CHRNA7: variants seen among roughly 807,000 people sequenced by gnomAD.
CHRNA7 encodes cholinergic receptor nicotinic alpha 7 subunit, also known as neuronal acetylcholine receptor subunit alpha-7.
Under a neutral mutation model 48.0 loss-of-function variants are expected in CHRNA7, and 17 were observed. The observed-to-expected ratio is 0.35, with a 90% CI of 0.24 to 0.53. CHRNA7 has a LOEUF of 0.53. Among genes scored for constraint, CHRNA7 ranks in the 20% least tolerant of loss-of-function variants. CHRNA7 has a pLI of 0.92. For synonymous variants in CHRNA7, 75 were observed against 242.3 expected (o/e 0.31, Z 6.41); for missense variants, 155 against 577.7 (o/e 0.27, Z 7.50).
intron 2 of CHRNA7, among the ~76,000 whole-genome samples, chr15:32,081,578 A>G (rs1282911713): frequency 6.6e-6 from 1 of 152,100 alleles, no homozygotes; most frequent in East Asian, 1.9e-4. Context: ...GTATTATATT[A>G]TTTATGAATA....
intron 4 of CHRNA7, among the ~76,000 whole-genome samples, chr15:32,142,747 G>A (rs141085955): frequency 3.3e-5 from 5 of 152,106 alleles, no homozygotes; most frequent in African/African-American, 1.2e-4. Context: ...TTGTATTTCT[G>A]TGAGATCGGT....
Position 32,080,333 on chromosome 15 carries a change from G to A in CHRNA7, c.196-20970G>A, listed in dbSNP as rs546290427. On this transcript the variant is annotated intron_variant, in intron 2 of 9. Coordinates refer to ENST00000306901, the MANE Select transcript of CHRNA7 (RefSeq NM_000746.6). ...ACTAAAGAGCTTCTGCACAGCAAAA[G>A]AAACTGTCATCACAGTGAACAGACA... Among the ~76,000 whole-genome samples the A allele has an allele frequency of 2.0e-5, 3 of 152,236 alleles. 1 individual carries two copies. In the South Asian group the frequency reaches 6.2e-4, roughly 32 times the overall value.
At chr15:32,123,878 C>A (rs2051017123) in intron 4 of CHRNA7, among the ~76,000 whole-genome samples, 1 of 144,792 alleles carries the variant, frequency 6.9e-6, no homozygotes, top group Non-Finnish European at 1.5e-5. Context: ...TGTCTTTTGT[C>A]AGTTTAATTC....
At chr15:32,120,049 AGT>A (rs1242374859) in intron 4 of CHRNA7, among the ~76,000 whole-genome samples, 8 of 152,208 alleles carry the variant, frequency 5.3e-5, no homozygotes, top group African/African-American at 1.9e-4. Context: ...GCACTCGCCC[AGT>A]GCCAGCAGAT....
chr15:32,101,282 G>GAT (rs747878364), intron 2 of CHRNA7, 21 bp from the exon 3 acceptor site: 4 of 919,852 alleles, frequency 4.3e-6, no homozygotes, highest in Non-Finnish European at 1.6e-6. Context: ...TTATGCTGCT[G>GAT]CTTTTTTTTT....
chr15:32,082,773 A>G (rs1168206778), intron 2 of CHRNA7, among the ~76,000 whole-genome samples: 1 of 152,214 alleles, frequency 6.6e-6, no homozygotes, highest in East Asian at 1.9e-4. Flanking sequence ...TAACATTATA[A>G]TGAACATCTT....
intron 4 of CHRNA7, among the ~76,000 whole-genome samples, chr15:32,129,019 G>T (rs1435600662): frequency 1.3e-5 from 2 of 151,796 alleles, no homozygotes; most frequent in Non-Finnish European, 3.0e-5. Flanking sequence ...ATAATCAGGT[G>T]ATTTTTCTTC....
At chr15:32,074,637 A>ATATTATTATTATTATTATTAT (rs113812797) in intron 2 of CHRNA7, among the ~76,000 whole-genome samples, 39 of 141,770 alleles carry the variant, frequency 2.8e-4, no homozygotes, top group East Asian at 1.3e-3. Flanking sequence ...CACATTATTA[A>ATATTATTATTATTATTATTAT]TATTATTATT....
chr15:32,043,896 T>C (rs555217730), intron 2 of CHRNA7, among the ~76,000 whole-genome samples: 24 of 152,300 alleles, frequency 1.6e-4, no homozygotes, highest in African/African-American at 5.8e-4. Flanking sequence ...TCAAAACTTA[T>C]TTATATTGCC....
intron 2 of CHRNA7, among the ~76,000 whole-genome samples, chr15:32,087,791 G>T (rs1233306584): frequency 6.6e-6 from 1 of 152,190 alleles, no homozygotes; most frequent in Non-Finnish European, 1.5e-5. Flanking sequence ...GTGCAATGCT[G>T]ATACACAGTT....
At chr15:32,035,092 A>G (rs372444256) in intron 2 of CHRNA7, among the ~76,000 whole-genome samples, 86 of 152,370 alleles carry the variant, frequency 5.6e-4, no homozygotes, top group African/African-American at 1.9e-3. Context: ...TAAATTTGCT[A>G]AGTGAAAGTG....
Position 32,067,561 on chromosome 15 carries a change from TATAAAGAG to T in CHRNA7, c.196-33734_196-33727del, listed in dbSNP as rs2049985994. 2.0e-5 allele frequency among the ~76,000 whole-genome samples: 3 copies of T among 150,408 alleles called. No homozygotes were observed. In the South Asian group the frequency reaches 6.2e-4, roughly 31 times the overall value. On this transcript the variant is annotated intron_variant, in intron 2 of 9. Transcript: ENST00000306901. Reference sequence around the variant, plus strand: ...AAATGAAAGGAGGGTAATTGGGATCTATAAAGAGATAAAGAATATCAGTAAGTAACTAC... The same window carrying T: ...AAATGAAAGGAGGGTAATTGGGATCTATAAAGAATATCAGTAAGTAACTAC...
intron 1 of CHRNA7, 87 bp downstream of exon 1, chr15:32,030,736 G>A: frequency 6.6e-7 from 1 of 1,526,010 alleles, no homozygotes; most frequent in Non-Finnish European, 8.8e-7. Flanking sequence ...GCCTGGGCCA[G>A]GTTTGGGATC....
At chr15:32,045,605 C>T (rs999292076) in intron 2 of CHRNA7, among the ~76,000 whole-genome samples, 3 of 151,582 alleles carry the variant, frequency 2.0e-5, no homozygotes, top group Admixed American at 6.6e-5. Flanking sequence ...GGCACAGTCT[C>T]GGCTCACTGC....
intron 4 of CHRNA7, among the ~76,000 whole-genome samples, chr15:32,138,102 A>G (rs1467132209): frequency 6.6e-6 from 1 of 152,248 alleles, no homozygotes; most frequent in Non-Finnish European, 1.5e-5. Flanking sequence ...AATGTATTAA[A>G]TAAGAAAACT....
intron 4 of CHRNA7, among the ~76,000 whole-genome samples, chr15:32,126,863 G>T (rs2051075387): frequency 6.6e-6 from 1 of 152,148 alleles, no homozygotes; most frequent in Non-Finnish European, 1.5e-5. Context: ...TCAAAGCCAA[G>T]AAATTAACAT....
rs769769889 is a variant in CHRNA7, at chr15:32,149,055, C to T, written c.351-4852C>T. Reference sequence around the variant, plus strand: ...GAGCTCTCCTCACACCAAGAGTGGGCCCCAGTCATTGCTGGCTGGGGGAGG... The same window carrying T: ...GAGCTCTCCTCACACCAAGAGTGGGTCCCAGTCATTGCTGGCTGGGGGAGG... On this transcript the variant is annotated intron_variant, in intron 4 of 9. Transcript: ENST00000306901. This position sits in a 1 kb window ranked among gnomAD's most constrained non-coding sequence, Gnocchi z 4.6. 6.6e-6 allele frequency among the ~76,000 whole-genome samples: 1 copy of T among 152,148 alleles called. No individual in the cohort carries two copies.
At chr15:32,156,737 TTTTGTTTG>T (rs556101391) in intron 5 of CHRNA7, 1 of 109,940 alleles carries the variant, frequency 9.1e-6, no homozygotes, top group African/African-American at 3.2e-5. Flanking sequence ...CTGTTCTTGT[TTTTGTTTG>T]TTTGTTTGTT....
intron 4 of CHRNA7, among the ~76,000 whole-genome samples, chr15:32,148,892 T>C (rs2051553000): frequency 6.6e-6 from 1 of 152,222 alleles, no homozygotes. Flanking sequence ...TTTCCGTCTT[T>C]GGGAGCTCTG....
Sources: allele counts gnomAD v4.1 joint callset (sites outside exome capture counted in the v4.1 genomes callset), GRCh38; gene constraint gnomAD v4.1.1; non-coding constraint Gnocchi (gnomAD v3.1); transcripts MANE v1.5; gene names NCBI Gene and HGNC (gene_info 2026-07-23, HGNC 2026-07-21).